FNIP2: variants seen among roughly 807,000 people sequenced by gnomAD.
FNIP2 encodes folliculin interacting protein 2.
FNIP2 carries 32 observed loss-of-function variants against 108.7 expected under a neutral mutation model. That is an observed-to-expected ratio of 0.29 (90% CI 0.22 to 0.40). The LOEUF (loss-of-function observed/expected upper bound fraction) is 0.40. Ranked by LOEUF, FNIP2 falls within the 10% of genes least tolerant of loss-of-function variation. The probability of loss-of-function intolerance (pLI) is 1.00; values close to 1 mark genes in which losing one functional copy is unlikely to be tolerated. For synonymous variants in FNIP2, 480 were observed against 496.7 expected (o/e 0.97, Z 0.45); for missense variants, 1,202 against 1,381.6 (o/e 0.87, Z 2.06).
intron 1 of FNIP2, among the ~76,000 whole-genome samples, chr4:158,819,730 A>G (rs1330160218): frequency 6.6e-6 from 1 of 152,246 alleles, no homozygotes; most frequent in African/African-American, 2.4e-5. Flanking sequence ...TTGTGCTGAC[A>G]GGGTGAACTC....
At position 158,798,073 on chromosome 4, in the gene FNIP2, T is replaced by C. The variant is rs545344966; in HGVS notation, c.108-27843T>C. Among the ~76,000 whole-genome samples the C allele has an allele frequency of 8.3e-4, 126 of 152,270 alleles. 1 individual carries two copies. Among genetic ancestry groups the C allele is most frequent in the African/African-American group, 2.6e-3 (110 of 41,562 alleles). ...GTTTTTGTTTAAATTTTTGTTGTTG[T>C]TGTTTTTTAGAGACAGGGTCTTGCC... On this transcript the variant is annotated intron_variant, in intron 1 of 16. Coordinates refer to ENST00000264433, the MANE Select transcript of FNIP2 (RefSeq NM_020840.3).
At chr4:158,887,652 G>A (rs1267810034) in intron 14 of FNIP2, among the ~76,000 whole-genome samples, 2 of 138,964 alleles carry the variant, frequency 1.4e-5, no homozygotes, top group African/African-American at 5.3e-5. Context: ...CAGGAGAATT[G>A]CTTGAGCTCA....
intron 7 of FNIP2, among the ~76,000 whole-genome samples, chr4:158,845,819 T>G (rs1276952720): frequency 6.6e-6 from 1 of 152,214 alleles, no homozygotes; most frequent in Non-Finnish European, 1.5e-5. Context: ...CCACAGCACT[T>G]TTACATAAAA....
chr4:158,813,476 T>G (rs192169847), intron 1 of FNIP2, among the ~76,000 whole-genome samples: 25 of 152,354 alleles, frequency 1.6e-4, no homozygotes, highest in Non-Finnish European at 3.2e-4. Flanking sequence ...GCCATTTGTA[T>G]TATCGTTGGT....
At chr4:158,886,762 T>C (rs1173442694) in intron 14 of FNIP2, among the ~76,000 whole-genome samples, 1 of 152,358 alleles carries the variant, frequency 6.6e-6, no homozygotes, top group Non-Finnish European at 1.5e-5. Flanking sequence ...AATGACTATA[T>C]TTAATATTAG....
At chr4:158,898,248 G>C (rs1323284448) in intron 16 of FNIP2, among the ~76,000 whole-genome samples, 1 of 152,164 alleles carries the variant, frequency 6.6e-6, no homozygotes, top group Non-Finnish European at 1.5e-5. Flanking sequence ...TAGCCTTGTT[G>C]TATAGTTTGA....
At chr4:158,823,069 ATTC>A (rs1777971313) in intron 1 of FNIP2, among the ~76,000 whole-genome samples, 1 of 152,108 alleles carries the variant, frequency 6.6e-6, no homozygotes, top group Non-Finnish European at 1.5e-5. Flanking sequence ...AATATGTGTT[ATTC>A]TTCAAAAATA....
chr4:158,872,691 G>C, intron 14 of FNIP2: 2 of 982,414 alleles, frequency 2.0e-6, no homozygotes, highest in Non-Finnish European at 2.4e-6. Flanking sequence ...TTTTGCTTTT[G>C]AAGTAGTGTT....
At chr4:158,815,379 T>G (rs1362021720) in intron 1 of FNIP2, among the ~76,000 whole-genome samples, 1 of 146,704 alleles carries the variant, frequency 6.8e-6, no homozygotes, top group Non-Finnish European at 1.5e-5. Context: ...TCATCAGTAA[T>G]CCAGCTTTTT....
chr4:158,863,492 G>A (rs1780407465), intron 12 of FNIP2, among the ~76,000 whole-genome samples: 4 of 152,184 alleles, frequency 2.6e-5, no homozygotes, highest in African/African-American at 9.6e-5. Context: ...AGCACTACCA[G>A]GGAAGAGGGA....
intron 1 of FNIP2, among the ~76,000 whole-genome samples, chr4:158,809,597 C>T (rs567039927): frequency 2.0e-5 from 3 of 152,290 alleles, no homozygotes; most frequent in South Asian, 2.1e-4. Flanking sequence ...CAAACTTTCC[C>T]GGCAAATTAG....
At chr4:158,833,746 TA>T (rs763873808) in intron 6 of FNIP2, 118 bp downstream of exon 6, 30 of 1,477,998 alleles carry the variant, frequency 2.0e-5, no homozygotes, top group African/African-American at 8.3e-5. Context: ...AATCTGTGTT[TA>T]TTTTTTTTGT....
intron 16 of FNIP2, among the ~76,000 whole-genome samples, chr4:158,901,625 C>T (rs1729278407): frequency 6.6e-6 from 1 of 152,048 alleles, no homozygotes; most frequent in African/African-American, 2.4e-5. Context: ...TCAGGTATAC[C>T]AATCAAACGT....
chr4:158,890,822 A>G (rs1183038073), intron 14 of FNIP2, among the ~76,000 whole-genome samples: 1 of 152,206 alleles, frequency 6.6e-6, no homozygotes, highest in East Asian at 1.9e-4. Flanking sequence ...GGGCAGGAAT[A>G]TGCTGGTGCC....
At position 158,832,254 on chromosome 4, in the gene FNIP2, T is replaced by A. The variant is rs75112621; in HGVS notation, c.554+116T>A. 6.6e-4 allele frequency: 511 copies of A among 777,186 alleles called. 2 individuals are homozygous for A. The African/African-American group carries it at 7.5e-3, about 11-fold the overall frequency. The allele number at this position is 777,186 out of a possible 1,614,324, so 48.1% of individuals were successfully genotyped here. A position where few individuals can be genotyped will look rare whatever the true frequency, so the allele number is the denominator to read the frequency against. On this transcript the variant is annotated intron_variant, in intron 5 of 16. Coordinates refer to ENST00000264433, the MANE Select transcript of FNIP2 (RefSeq NM_020840.3). ...AAATGACAAGCAGAATGAGTCCAAA[T>A]TAACAAAGGGGCTTTAAAAGTGGCT...
At chr4:158,871,579 G>A (rs1473772553) in intron 14 of FNIP2, 1 of 985,220 alleles carries the variant, frequency 1.0e-6, no homozygotes, top group African/African-American at 1.7e-5. Context: ...TCAATGGGGA[G>A]GGCTAAGAGA....
At chr4:158,846,190 A>G (rs1163425604) in intron 7 of FNIP2, among the ~76,000 whole-genome samples, 1 of 151,910 alleles carries the variant, frequency 6.6e-6, no homozygotes, top group East Asian at 1.9e-4. Flanking sequence ...GTTTTTTCAG[A>G]TTTTTCTTTG....
chr4:158,878,271 G>A (rs1432201093), intron 14 of FNIP2, among the ~76,000 whole-genome samples: 5 of 152,158 alleles, frequency 3.3e-5, no homozygotes, highest in Non-Finnish European at 7.3e-5. Context: ...GTGGTCTTGT[G>A]TGCATGTAAG....
intron 1 of FNIP2, among the ~76,000 whole-genome samples, chr4:158,770,681 G>T (rs1775668009): frequency 6.6e-6 from 1 of 152,134 alleles, no homozygotes; most frequent in East Asian, 1.9e-4. Context: ...TATGCCTTTT[G>T]TTAGGCTGAG....
Sources: gnomAD v4.1 joint callset for allele counts (sites outside exome capture counted in the v4.1 genomes callset) on GRCh38, gnomAD v4.1.1 for gene constraint, MANE v1.5 for transcripts, NCBI Gene and HGNC (gene_info 2026-07-23, HGNC 2026-07-21) for gene names.